Variants in NIPAL2 observed in about 807,000 individuals in gnomAD.
NIPAL2 encodes the protein NIPA-like protein 2.
Under a neutral mutation model 48.9 loss-of-function variants are expected in NIPAL2, and 43 were observed. That is an observed-to-expected ratio of 0.88 (90% confidence interval 0.69 to 1.13). NIPAL2 has a LOEUF of 1.13. NIPAL2 is among the 50% of genes most tolerant of loss of function. The pLI is 0.00. For missense variants in NIPAL2, 446 were observed against 461.4 expected (o/e 0.97, Z 0.31); for synonymous variants, 167 against 174.6 (o/e 0.96, Z 0.34).
At chr8:98,279,630 A>C (rs1286371173) in intron 1 of NIPAL2, among the ~76,000 whole-genome samples, 2 of 152,236 alleles carry the variant, frequency 1.3e-5, no homozygotes, top group African/African-American at 4.8e-5. Context: ...CAAGGCACCC[A>C]GGTCAAGTCT....
intron 1 of NIPAL2, among the ~76,000 whole-genome samples, chr8:98,267,524 T>G (rs1343476110): frequency 1.1e-4 from 17 of 152,090 alleles, no homozygotes. Flanking sequence ...CTCATTATGT[T>G]TCCCAGGCTG....
chr8:98,271,193 C>T (rs912416599), intron 1 of NIPAL2, among the ~76,000 whole-genome samples: 1 of 151,816 alleles, frequency 6.6e-6, no homozygotes, highest in African/African-American at 2.4e-5. Context: ...TTTTTTGGTA[C>T]CATATAAATT....
intron 1 of NIPAL2, among the ~76,000 whole-genome samples, chr8:98,262,216 T>C (rs1373900384): frequency 2.0e-5 from 3 of 151,568 alleles, no homozygotes; most frequent in African/African-American, 7.3e-5. Flanking sequence ...AGAAACTGCA[T>C]CAACTAACGA....
At chr8:98,201,903 G>A (rs1158003224) in intron 8 of NIPAL2, among the ~76,000 whole-genome samples, 1 of 151,948 alleles carries the variant, frequency 6.6e-6, no homozygotes, top group Non-Finnish European at 1.5e-5. Flanking sequence ...AAAAAAAAAT[G>A]TGCCAGTTAG....
intron 4 of NIPAL2, 102 bp downstream of exon 4, chr8:98,236,053 G>A (rs1812694334): frequency 1.2e-6 from 1 of 801,400 alleles, no homozygotes. Flanking sequence ...ACCCATTTCA[G>A]TAATTTGTTT....
intron 4 of NIPAL2, among the ~76,000 whole-genome samples, chr8:98,233,569 A>G (rs192349732): frequency 1.0e-3 from 154 of 152,330 alleles, no homozygotes; most frequent in African/African-American, 3.4e-3. Flanking sequence ...AAGTAATACT[A>G]GGTTGCCTGT....
rs561734620 is a variant in NIPAL2 at position 98,201,421 on chromosome 8, G to A, written c.880+1687C>T. On this transcript the variant is annotated intron_variant, in intron 8 of 10. Transcript: ENST00000430223. ...TTTTTTAGAGATGGGGTCCGGCTGT[G>A]TCACCCAGGCTTGAGAGCAGTGGTG... Among the ~76,000 whole-genome samples, 8 of 152,190 alleles carry A rather than the reference G, an allele frequency of 5.3e-5. No individual in the cohort carries two copies. In the South Asian group the frequency reaches 1.7e-3, roughly 32 times the overall value.
intron 4 of NIPAL2, among the ~76,000 whole-genome samples, chr8:98,228,138 C>T (rs963052631): frequency 6.6e-6 from 1 of 152,204 alleles, no homozygotes; most frequent in Admixed American, 6.5e-5. Flanking sequence ...TCAAGACCAT[C>T]CTTCCTACCC....
chr8:98,205,873 T>C (rs575342359), intron 6 of NIPAL2, among the ~76,000 whole-genome samples: 1 of 152,268 alleles, frequency 6.6e-6, no homozygotes, highest in Admixed American at 6.5e-5. Flanking sequence ...AGGAGCAGAG[T>C]TGAGTATTCA....
intron 1 of NIPAL2, among the ~76,000 whole-genome samples, chr8:98,265,537 A>C (rs1814665706): frequency 8.0e-6 from 1 of 124,424 alleles, no homozygotes; most frequent in Non-Finnish European, 1.7e-5. Context: ...AAAAATGCTC[A>C]TCATCACTGG....
intron 1 of NIPAL2, among the ~76,000 whole-genome samples, chr8:98,260,277 C>G (rs1255907482): frequency 6.6e-6 from 1 of 152,106 alleles, no homozygotes; most frequent in African/African-American, 2.4e-5. Flanking sequence ...AAAACAATAC[C>G]AAGATGGCCG....
At chr8:98,271,567 C>A (rs1309674823) in intron 1 of NIPAL2, among the ~76,000 whole-genome samples, 1 of 152,118 alleles carries the variant, frequency 6.6e-6, no homozygotes, top group East Asian at 1.9e-4. Context: ...CTACTGAAGT[C>A]ATTTATCAGG....
At chr8:98,279,415 C>T (rs1216781042) in intron 1 of NIPAL2, among the ~76,000 whole-genome samples, 1 of 152,234 alleles carries the variant, frequency 6.6e-6, no homozygotes, top group Non-Finnish European at 1.5e-5. Context: ...GTCTAGTTTA[C>T]ATCATTACTT....
chr8:98,206,050 AT>A (rs994765114), intron 6 of NIPAL2, among the ~76,000 whole-genome samples: 2 of 152,204 alleles, frequency 1.3e-5, no homozygotes, highest in African/African-American at 4.8e-5. Context: ...GTAATGGAGC[AT>A]TTTCTGGCAA....
At chr8:98,202,985 T>G in intron 8 of NIPAL2, 123 bp downstream of exon 8, 1 of 723,456 alleles carries the variant, frequency 1.4e-6, no homozygotes, top group Non-Finnish European at 2.3e-6. Context: ...TAGGGGAAAT[T>G]CAGACACCAG....
chr8:98,274,933 T>A (rs1268796708), intron 1 of NIPAL2, among the ~76,000 whole-genome samples: 1 of 152,138 alleles, frequency 6.6e-6, no homozygotes, highest in Non-Finnish European at 1.5e-5. Flanking sequence ...TAGGAAGTTA[T>A]ACATCTTATT....
chr8:98,212,379 A>G lies in NIPAL2; in HGVS notation c.655+26T>C, dbSNP rs377420615. 10 of 1,295,472 alleles carry G rather than the reference A, an allele frequency of 7.7e-6. No individual in the cohort carries two copies. In the African/African-American group the frequency reaches 1.5e-4, roughly 19 times the overall value. 80.2% of individuals were successfully genotyped at this position (1,295,472 alleles called of 1,614,324 possible). The stretch of plus-strand genomic sequence containing the variant: ...ATGACTCAGCACAGCTCAATTAAAG[A>G]ATAAGAAAACAAAATATGCCTTTAC... On this transcript the variant is annotated intron_variant, in intron 6 of 10. Coordinates refer to ENST00000430223, the MANE Select transcript of NIPAL2 (RefSeq NM_001321635.2).
At chr8:98,250,284 G>A (rs891387525) in intron 3 of NIPAL2, among the ~76,000 whole-genome samples, 3 of 152,122 alleles carry the variant, frequency 2.0e-5, no homozygotes, top group Admixed American at 1.3e-4. Flanking sequence ...TTATAACATA[G>A]GAAAGTGTGG....
chr8:98,248,367 C>T (rs573502208), intron 3 of NIPAL2, among the ~76,000 whole-genome samples: 3 of 152,182 alleles, frequency 2.0e-5, no homozygotes, highest in African/African-American at 4.8e-5. Flanking sequence ...TTTATCTACA[C>T]GATAATAATT....
Sources: gnomAD v4.1 joint callset for allele counts (sites outside exome capture counted in the v4.1 genomes callset) on GRCh38, gnomAD v4.1.1 for gene constraint, MANE v1.5 for transcripts, NCBI Gene and HGNC (gene_info 2026-07-23, HGNC 2026-07-21) for gene names.